Variants in KCND2 observed in about 807,000 individuals in gnomAD.
KCND2 encodes potassium voltage-gated channel subfamily D member 2.
In KCND2, 16 loss-of-function variants were observed where a neutral mutation model predicts 54.4. The ratio of observed to expected loss-of-function variants is 0.29; its 90% CI spans 0.20 to 0.45. The LOEUF (loss-of-function observed/expected upper bound fraction) is 0.45. KCND2 is among the 20% of genes least tolerant of loss of function. The probability of loss-of-function intolerance (pLI) is 1.00; values close to 1 mark genes in which losing one functional copy is unlikely to be tolerated. For missense variants in KCND2, 486 were observed against 824.2 expected (o/e 0.59, Z 5.02); for synonymous variants, 317 against 310.7 (o/e 1.02, Z -0.21).
intron 1 of KCND2, among the ~76,000 whole-genome samples, chr7:120,675,096 C>G (rs1792043602): frequency 6.6e-6 from 1 of 151,704 alleles, no homozygotes; most frequent in South Asian, 2.1e-4. Flanking sequence ...TCTTACAAGT[C>G]TCTCAAATTA....
chr7:120,470,362 G>A (rs902418090), intron 1 of KCND2, among the ~76,000 whole-genome samples: 5 of 152,040 alleles, frequency 3.3e-5, no homozygotes, highest in Non-Finnish European at 5.9e-5. Flanking sequence ...TATTCTTGTA[G>A]ACTCTACCTT....
Position 120,664,265 on chromosome 7 carries a change from A to G in KCND2, c.1116-68638A>G, listed in dbSNP as rs116817982. ...TGCTTATTTGGCACACTGCTTATGT[A>G]TTTTTCTGCCTTGGCCAAATTACTT... On this transcript the variant is annotated intron_variant, in intron 1 of 5. Coordinates refer to ENST00000331113, the MANE Select transcript of KCND2 (RefSeq NM_012281.3). Among the ~76,000 whole-genome samples the G allele has an allele frequency of 4.7e-3, 712 of 152,064 alleles. 7 individuals are homozygous for G. The highest frequency in any genetic ancestry group is 0.017 in the African/African-American group (685 of 41,500).
At chr7:120,693,255 A>G (rs1263817007) in intron 1 of KCND2, among the ~76,000 whole-genome samples, 1 of 152,206 alleles carries the variant, frequency 6.6e-6, no homozygotes, top group Non-Finnish European at 1.5e-5. Flanking sequence ...GGGAAAAAGG[A>G]AAAGATATTA....
At chr7:120,517,568 T>C (rs1803214432) in intron 1 of KCND2, among the ~76,000 whole-genome samples, 1 of 152,130 alleles carries the variant, frequency 6.6e-6, no homozygotes, top group African/African-American at 2.4e-5. Flanking sequence ...TTAATTGATC[T>C]GAACCTCTCA....
At chr7:120,585,987 AG>A (rs1792594977) in intron 1 of KCND2, among the ~76,000 whole-genome samples, 2 of 152,196 alleles carry the variant, frequency 1.3e-5, no homozygotes, top group South Asian at 4.1e-4. Flanking sequence ...GGCTCAGTCC[AG>A]CTCAGTCAGT....
intron 1 of KCND2, among the ~76,000 whole-genome samples, chr7:120,310,162 A>C (rs1448575133): frequency 6.6e-6 from 1 of 152,212 alleles, no homozygotes; most frequent in African/African-American, 2.4e-5. Flanking sequence ...AAAAGATAGA[A>C]TCACGTTAGT....
chr7:120,495,883 C>G (rs949878601), intron 1 of KCND2, among the ~76,000 whole-genome samples: 1 of 152,070 alleles, frequency 6.6e-6, no homozygotes, highest in Non-Finnish European at 1.5e-5. Context: ...AAATGTGTAT[C>G]TATCATATGG....
In KCND2 at chr7:120,691,450, T is replaced by A. The variant is rs190683394; in HGVS notation, c.1116-41453T>A. Among the ~76,000 whole-genome samples the A allele has an allele frequency of 5.1e-4, 77 of 152,320 alleles. 2 individuals carry two copies. Among genetic ancestry groups the A allele is most frequent in the Admixed American group, 7.8e-4 (12 of 15,298 alleles). On this transcript the variant is annotated intron_variant, in intron 1 of 5. Coordinates refer to ENST00000331113, the MANE Select transcript of KCND2 (RefSeq NM_012281.3). Reference sequence around the variant, plus strand: ...CAGATATTAAGCTGGCATAGTTTTCTGACAGATTGGACAGTGACTGTAAGA... The same window carrying A: ...CAGATATTAAGCTGGCATAGTTTTCAGACAGATTGGACAGTGACTGTAAGA...
chr7:120,509,672 C>T (rs940581135), intron 1 of KCND2, among the ~76,000 whole-genome samples: 5 of 151,414 alleles, frequency 3.3e-5, no homozygotes, highest in African/African-American at 4.9e-5. Flanking sequence ...AAGAGCTGTG[C>T]CATGAGATAT....
At position 120,382,494 on chromosome 7, in the gene KCND2, T is replaced by G. The variant is rs568085354; in HGVS notation, c.1115+106747T>G. On this transcript the variant is annotated intron_variant, in intron 1 of 5. Coordinates refer to ENST00000331113, the MANE Select transcript of KCND2 (RefSeq NM_012281.3). ...CAAATATAAATGTAATCATGGTGAT[T>G]TTTGAAAAATCTTACTGGCACATGT... Among the ~76,000 whole-genome samples, 57 of 152,056 alleles carry G rather than the reference T, an allele frequency of 3.7e-4. 1 individual carries two copies. The South Asian group carries it at 9.1e-3, about 24-fold the overall frequency.
intron 1 of KCND2, among the ~76,000 whole-genome samples, chr7:120,352,481 C>T (rs950104794): frequency 4.0e-5 from 6 of 151,450 alleles, no homozygotes; most frequent in Non-Finnish European, 7.4e-5. Flanking sequence ...CACACACACA[C>T]ACACACACAC....
chr7:120,724,572 G>C (rs558614678), intron 1 of KCND2, among the ~76,000 whole-genome samples: 1 of 152,294 alleles, frequency 6.6e-6, no homozygotes, highest in East Asian at 1.9e-4. Flanking sequence ...AAGTCATGAA[G>C]AGCTGTGGTT....
intron 1 of KCND2, among the ~76,000 whole-genome samples, chr7:120,555,930 A>G (rs893417166): frequency 1.3e-5 from 2 of 152,234 alleles, no homozygotes; most frequent in Non-Finnish European, 2.9e-5. Context: ...AATATGCCAT[A>G]TTGCTTATAT....
At chr7:120,555,187 A>G (rs192597094) in intron 1 of KCND2, among the ~76,000 whole-genome samples, 22 of 152,244 alleles carry the variant, frequency 1.4e-4, no homozygotes, top group Admixed American at 1.2e-3. Flanking sequence ...TATGCCTCCT[A>G]CTACACCTAG....
intron 1 of KCND2, among the ~76,000 whole-genome samples, chr7:120,654,698 A>G (rs1791778868): frequency 6.6e-6 from 1 of 152,194 alleles, no homozygotes; most frequent in South Asian, 2.1e-4. Context: ...AAGACAGCAA[A>G]ATATGTACTG....
intron 1 of KCND2, among the ~76,000 whole-genome samples, chr7:120,337,757 C>T (rs1290094233): frequency 6.6e-6 from 1 of 152,104 alleles, no homozygotes; most frequent in Admixed American, 6.5e-5. Flanking sequence ...ACTGATTATT[C>T]GTTTACAAAA....
At chr7:120,681,221 G>A (rs1420095031) in intron 1 of KCND2, among the ~76,000 whole-genome samples, 1 of 152,054 alleles carries the variant, frequency 6.6e-6, no homozygotes, top group Non-Finnish European at 1.5e-5. Flanking sequence ...CAGGATTCCA[G>A]GACCTCTGCT....
chr7:120,403,570 T>C (rs1801299523), intron 1 of KCND2, among the ~76,000 whole-genome samples: 1 of 151,036 alleles, frequency 6.6e-6, no homozygotes, highest in South Asian at 2.1e-4. Flanking sequence ...CCTCAAATGA[T>C]CCACCTGCCT....
Position 120,358,179 on chromosome 7 carries a change from A to G in KCND2, c.1115+82432A>G, listed in dbSNP as rs116430885. On this transcript the variant is annotated intron_variant, in intron 1 of 5. Coordinates refer to ENST00000331113, the MANE Select transcript of KCND2 (RefSeq NM_012281.3). The stretch of plus-strand genomic sequence containing the variant: ...AGAAATTAACTACAAGAGCAAAAAT[A>G]CTTATTAGGAATTAGCAAGGTGTGT... 9.1e-3 allele frequency among the ~76,000 whole-genome samples: 1,382 copies of G among 152,266 alleles called. 27 individuals carry two copies. Among genetic ancestry groups the G allele is most frequent in the African/African-American group, 0.031 (1,303 of 41,548 alleles).
Sources: allele counts gnomAD v4.1 joint callset (sites outside exome capture counted in the v4.1 genomes callset), GRCh38; gene constraint gnomAD v4.1.1; transcripts MANE v1.5; gene names NCBI Gene and HGNC (gene_info 2026-07-23, HGNC 2026-07-21).